DMRT1: variants seen among roughly 807,000 people sequenced by gnomAD.
DMRT1 encodes the protein doublesex- and mab-3-related transcription factor 1.
Under a neutral mutation model 32.3 loss-of-function variants are expected in DMRT1, and 7 were observed. The ratio of observed to expected loss-of-function variants is 0.22; its 90% confidence interval spans 0.12 to 0.41. DMRT1 has a LOEUF of 0.41. DMRT1 is among the 10% of genes least tolerant of loss of function. The pLI is 1.00. For missense variants in DMRT1, 625 were observed against 500.5 expected, an observed-to-expected ratio of 1.25 and a Z score of -2.37; for synonymous variants, 278 against 206.1, an observed-to-expected ratio of 1.35 and a Z score of -2.99.
chr9:881,763 C>A (rs1439349395), intron 2 of DMRT1, among the ~76,000 whole-genome samples: 1 of 152,182 alleles, frequency 6.6e-6, no homozygotes, highest in Non-Finnish European at 1.5e-5. Flanking sequence ...TAGAATGTAG[C>A]CTTGATGGAT....
At chr9:920,887 G>C (rs4742561) in intron 4 of DMRT1, among the ~76,000 whole-genome samples, 24,475 of 152,118 alleles carry the variant, frequency 0.16, 2,422 homozygotes, top group African/African-American at 0.26. Context: ...TTGTCTAAGA[G>C]GGGAGATAAG....
intron 4 of DMRT1, among the ~76,000 whole-genome samples, chr9:921,665 A>G (rs1267128465): frequency 2.0e-5 from 3 of 152,160 alleles, no homozygotes; most frequent in Non-Finnish European, 4.4e-5. Context: ...TTCCATTTAA[A>G]AAAACAGTTT....
intron 3 of DMRT1, among the ~76,000 whole-genome samples, chr9:906,228 G>C (rs1011306111): frequency 6.6e-6 from 1 of 152,140 alleles, no homozygotes; most frequent in Non-Finnish European, 1.5e-5. Context: ...ACCAGCCTGC[G>C]TCGGATCTTG....
intron 4 of DMRT1, among the ~76,000 whole-genome samples, chr9:947,157 C>G (rs1819273526): frequency 6.6e-6 from 1 of 152,216 alleles, no homozygotes; most frequent in South Asian, 2.1e-4. Context: ...CTAGTCCAAG[C>G]TTGTCCATCC....
chr9:902,507 G>C (rs1393684065), intron 3 of DMRT1, among the ~76,000 whole-genome samples: 1 of 146,106 alleles, frequency 6.8e-6, no homozygotes, highest in African/African-American at 2.6e-5. Flanking sequence ...TTTTTTTTTA[G>C]ATGGAGTCTT....
chr9:892,248 T>C lies in DMRT1; in HGVS notation c.539-1664T>C, dbSNP rs142133678. On this transcript the variant is annotated intron_variant, in intron 2 of 4. Coordinates refer to ENST00000382276, the MANE Select transcript of DMRT1 (RefSeq NM_021951.3). ...AACCTCTGTGACGTTGTATTCTCTG[T>C]TTTTCACGCTCCAGGTCTTGGCTCT... Among the ~76,000 whole-genome samples the C allele has an allele frequency of 8.9e-3, 1,351 of 152,240 alleles. 18 individuals are homozygous for C. Among genetic ancestry groups the C allele is most frequent in the African/African-American group, 0.029 (1,216 of 41,542 alleles).
At chr9:861,942 T>C (rs1815714825) in intron 2 of DMRT1, among the ~76,000 whole-genome samples, 1 of 137,254 alleles carries the variant, frequency 7.3e-6, no homozygotes, top group Non-Finnish European at 1.6e-5. Flanking sequence ...TCCCAGATGA[T>C]GGGCGGGCGG....
chr9:900,451 A>G (rs1817528922), intron 3 of DMRT1, among the ~76,000 whole-genome samples: 1 of 152,054 alleles, frequency 6.6e-6, no homozygotes, highest in African/African-American at 2.4e-5. Context: ...TGGTCAAAAC[A>G]AGTCACTTTC....
intron 2 of DMRT1, among the ~76,000 whole-genome samples, chr9:847,453 C>T (rs569858616): frequency 1.2e-4 from 18 of 152,284 alleles, no homozygotes; most frequent in African/African-American, 3.9e-4. Context: ...TTCCAGTCAT[C>T]CTTGTGGGAA....
At chr9:893,719 G>A (rs143715235) in intron 2 of DMRT1, among the ~76,000 whole-genome samples, 193 bp from the exon 3 acceptor site, 1 of 152,280 alleles carries the variant, frequency 6.6e-6, no homozygotes, top group East Asian at 1.9e-4. Context: ...TGAGTCTTTC[G>A]GTTGTGCCAC....
In DMRT1 at chr9:846,942, A is replaced by C. The variant is rs1034074928; in HGVS notation, c.355-18A>C. ...ATTCTGGAGTGCTGGAGGATGACTC[A>C]TTGTCGTGTGCTTCCAGGTGGCCCT... On this transcript the variant is annotated intron_variant, in intron 1 of 4. Coordinates refer to ENST00000382276, the MANE Select transcript of DMRT1 (RefSeq NM_021951.3). 1 of 1,614,030 alleles carries C rather than the reference A, an allele frequency of 6.2e-7. No homozygotes were observed. The highest frequency in any genetic ancestry group is 1.1e-5 in the South Asian group (1 of 91,076).
At chr9:892,369 C>T (rs920201649) in intron 2 of DMRT1, among the ~76,000 whole-genome samples, 2 of 152,132 alleles carry the variant, frequency 1.3e-5, no homozygotes, top group African/African-American at 2.4e-5. Context: ...CAGCCTCTCC[C>T]AAAAGCACGC....
intron 4 of DMRT1, among the ~76,000 whole-genome samples, chr9:947,709 C>T (rs377408333): frequency 6.6e-5 from 10 of 152,200 alleles, no homozygotes; most frequent in Non-Finnish European, 1.3e-4. Flanking sequence ...CTGCAGCCTC[C>T]GCCTCCCGAC....
At chr9:914,118 G>T (rs1172077131) in intron 3 of DMRT1, among the ~76,000 whole-genome samples, 1 of 152,100 alleles carries the variant, frequency 6.6e-6, no homozygotes, top group African/African-American at 2.4e-5. Context: ...ATTGATAACT[G>T]GGTGTGTGTA....
chr9:967,750 C>G (rs780832300), intron 4 of DMRT1, among the ~76,000 whole-genome samples: 3 of 152,206 alleles, frequency 2.0e-5, no homozygotes, highest in Non-Finnish European at 4.4e-5. Flanking sequence ...ACTCTGCTAT[C>G]TAGCTTACTC....
At chr9:901,698 C>G (rs1437524078) in intron 3 of DMRT1, among the ~76,000 whole-genome samples, 1 of 151,652 alleles carries the variant, frequency 6.6e-6, no homozygotes, top group Non-Finnish European at 1.5e-5. Context: ...GCTCCACGGT[C>G]AGGTTTCCCA....
At chr9:863,439 A>G (rs1481042736) in intron 2 of DMRT1, among the ~76,000 whole-genome samples, 1 of 151,998 alleles carries the variant, frequency 6.6e-6, no homozygotes, top group African/African-American at 2.4e-5. Flanking sequence ...TTGACCTGCT[A>G]TTGCTGGCTT....
chr9:959,183 C>T (rs1221019031), intron 4 of DMRT1, among the ~76,000 whole-genome samples: 3 of 151,926 alleles, frequency 2.0e-5, no homozygotes, highest in African/African-American at 4.8e-5. Context: ...CTTTGCCCAG[C>T]CTGCCTTCGT....
intron 4 of DMRT1, among the ~76,000 whole-genome samples, chr9:963,265 A>G (rs778184345): frequency 6.6e-6 from 1 of 152,206 alleles, no homozygotes; most frequent in African/African-American, 2.4e-5. Context: ...CGCAAAGTGC[A>G]GAGCTAGCCC....
Sources: gnomAD v4.1 joint callset for allele counts (sites outside exome capture counted in the v4.1 genomes callset) on GRCh38, gnomAD v4.1.1 for gene constraint, MANE v1.5 for transcripts, NCBI Gene and HGNC (gene_info 2026-07-23, HGNC 2026-07-21) for gene names.